PAFAH2: variants seen among roughly 807,000 people sequenced by gnomAD.
PAFAH2 encodes platelet-activating factor acetylhydrolase 2, cytoplasmic.
Under a neutral mutation model 49.0 loss-of-function variants are expected in PAFAH2, and 42 were observed. The observed-to-expected ratio is 0.86, with a 90% CI of 0.67 to 1.11. PAFAH2 has a LOEUF of 1.11. Ranked by LOEUF, PAFAH2 falls within the 50% of genes least tolerant of loss-of-function variation. PAFAH2 has a pLI of 0.00. For missense variants in PAFAH2, 503 were observed against 501.8 expected, an observed-to-expected ratio of 1.00 and a Z score of -0.02; for synonymous variants, 184 against 181.3, an observed-to-expected ratio of 1.01 and a Z score of -0.12.
At chr1:25,989,061 G>A (rs1569574074) in intron 3 of PAFAH2, among the ~76,000 whole-genome samples, 1 of 152,148 alleles carries the variant, frequency 6.6e-6, no homozygotes, top group East Asian at 1.9e-4. Flanking sequence ...AGCTGGCACA[G>A]AGTAGGAATT....
At chr1:25,984,372 G>T in intron 5 of PAFAH2, 88 bp downstream of exon 5, 1 of 1,004,058 alleles carries the variant, frequency 1.0e-6, no homozygotes, top group Non-Finnish European at 1.5e-6. Flanking sequence ...CACGGTTGTC[G>T]AGAGGGTTAG....
At chr1:25,995,771 C>T (rs1360707212) in intron 1 of PAFAH2, among the ~76,000 whole-genome samples, 1 of 152,198 alleles carries the variant, frequency 6.6e-6, no homozygotes, top group Non-Finnish European at 1.5e-5. Flanking sequence ...CTCTTCAGAT[C>T]TACTCCGGGG....
Position 25,982,423 on chromosome 1 carries a change from T to G in PAFAH2, c.607A>C (p.Thr203Pro). 6.2e-7 allele frequency: 1 copy of G among 1,614,150 alleles called. No homozygotes were observed. Among genetic ancestry groups the G allele is most frequent in the Non-Finnish European group, 8.5e-7 (1 of 1,180,018 alleles). Reference protein sequence around the residue: ...LRVLKILQEVTAGQTVFNILP... With the variant: ...LRVLKILQEVPAGQTVFNILP... The stretch of plus-strand genomic sequence containing the variant: ...ATGTTGAAGACAGTCTGCCCAGCAG[T>G]GACCTCTTGCAGGATCTTCAACACC... The change falls in exon 7 of 11, where the codon ACT becomes CCT. Residue 203 changes from threonine to proline, a missense_variant. Coordinates refer to ENST00000374282, the MANE Select transcript of PAFAH2 (RefSeq NM_000437.4).
At chr1:25,983,310 G>A (rs1315457272) in intron 6 of PAFAH2, among the ~76,000 whole-genome samples, 1 of 152,108 alleles carries the variant, frequency 6.6e-6, no homozygotes, top group Non-Finnish European at 1.5e-5. Flanking sequence ...CTCGAGCCTA[G>A]GAGATTGAGG....
chr1:25,970,036 T>C (rs55904918), intron 10 of PAFAH2, among the ~76,000 whole-genome samples: 2,927 of 152,270 alleles, frequency 0.019, 58 homozygotes, highest in South Asian at 0.065. Flanking sequence ...AATATAAAAA[T>C]GAAAATTTAC....
intron 10 of PAFAH2, 99 bp from the exon 11 acceptor site, chr1:25,962,182 G>A (rs187073312): frequency 1.1e-4 from 98 of 901,920 alleles, no homozygotes; most frequent in East Asian, 5.0e-5. Context: ...AGAGAGGAGC[G>A]CCTGGGATAC....
intron 10 of PAFAH2, among the ~76,000 whole-genome samples, chr1:25,966,566 G>A (rs1262454896): frequency 6.6e-6 from 1 of 152,166 alleles, no homozygotes; most frequent in Non-Finnish European, 1.5e-5. Context: ...GGAGCTAAAT[G>A]ATGGGTACAC....
intron 7 of PAFAH2, among the ~76,000 whole-genome samples, chr1:25,980,325 A>G (rs546975180): frequency 2.9e-4 from 44 of 152,040 alleles, no homozygotes; most frequent in African/African-American, 1.0e-3. Context: ...TCGTAAATAT[A>G]TAAGTTTTTT....
chr1:25,982,569 G>A, intron 6 of PAFAH2, 92 bp from the exon 7 acceptor site: 1 of 989,220 alleles, frequency 1.0e-6, no homozygotes, highest in South Asian at 1.4e-5. Flanking sequence ...AGAATGCACA[G>A]ATAGTCTACC....
intron 10 of PAFAH2, among the ~76,000 whole-genome samples, chr1:25,963,213 T>C (rs190888720): frequency 2.6e-4 from 39 of 152,224 alleles, no homozygotes; most frequent in Admixed American, 2.6e-3. Context: ...ACGGAATAGG[T>C]CCTCAATGTA....
At chr1:25,976,064 T>C (rs2049583609) in intron 8 of PAFAH2, among the ~76,000 whole-genome samples, 1 of 152,158 alleles carries the variant, frequency 6.6e-6, no homozygotes, top group Admixed American at 6.5e-5. Context: ...GGAAAGATCT[T>C]CCTCTAGATC....
At position 25,984,018 on chromosome 1, in the gene PAFAH2, CG is replaced by C. The variant is rs1557525742; in HGVS notation, c.479del (p.Ser160CysfsTer30). On this transcript the variant is annotated frameshift_variant, in exon 6 of 11. Coordinates refer to ENST00000374282, the MANE Select transcript of PAFAH2 (RefSeq NM_000437.4). LOFTEE classifies it high-confidence loss of function. The stretch of plus-strand genomic sequence containing the variant: ...GGAAAGGGATCCATTCCTCCTGCAG[CG>C]ATTCATTGGTGGGCTGGTTCTCTTC... Reference protein sequence around the residue: ...APEENQPTNESLQEEWIPFRR... With the variant: ...APEENQPTNEXLQEEWIPFRR... 7 of 1,614,026 alleles carry C rather than the reference CG, an allele frequency of 4.3e-6. No homozygotes were observed. The Admixed American group carries it at 1.2e-4, about 27-fold the overall frequency.
intron 10 of PAFAH2, among the ~76,000 whole-genome samples, chr1:25,962,300 G>A (rs1362228547): frequency 1.3e-5 from 2 of 152,088 alleles, no homozygotes; most frequent in Non-Finnish European, 2.9e-5. Flanking sequence ...ATTCAATAAC[G>A]ATAATAATAA....
At position 25,972,211 on chromosome 1, in the gene PAFAH2, G is replaced by A. The variant is rs549276742; in HGVS notation, c.1084+347C>T. Among the ~76,000 whole-genome samples, 15 of 151,754 alleles carry A rather than the reference G, an allele frequency of 9.9e-5. No homozygotes were observed. In the East Asian group the frequency reaches 1.4e-3, roughly 14 times the overall value. The stretch of plus-strand genomic sequence containing the variant: ...CCTAGGCTTAACTGATCCTCCCACC[G>A]TAGCCTCTCGAGTAGCTGGGACTAT... On this transcript the variant is annotated intron_variant, in intron 10 of 10. Coordinates refer to ENST00000374282, the MANE Select transcript of PAFAH2 (RefSeq NM_000437.4).
chr1:25,996,740 G>A (rs1231973041), intron 1 of PAFAH2, among the ~76,000 whole-genome samples: 4 of 152,162 alleles, frequency 2.6e-5, no homozygotes, highest in Non-Finnish European at 5.9e-5. Flanking sequence ...ACCATAGGAG[G>A]CAACTATAAT....
chr1:25,986,692 G>T (rs2049786182), intron 4 of PAFAH2, among the ~76,000 whole-genome samples: 2 of 151,898 alleles, frequency 1.3e-5, no homozygotes. Context: ...ACCACACCTG[G>T]CTAATTTCTT....
At chr1:25,963,781 G>A (rs1011234870) in intron 10 of PAFAH2, among the ~76,000 whole-genome samples, 10 of 152,330 alleles carry the variant, frequency 6.6e-5, no homozygotes, top group East Asian at 3.9e-4. Flanking sequence ...GATTACAGGC[G>A]TGAGCCACGG....
intron 7 of PAFAH2, among the ~76,000 whole-genome samples, chr1:25,979,721 C>G (rs1033301310): frequency 1.3e-5 from 2 of 152,110 alleles, no homozygotes; most frequent in Non-Finnish European, 2.9e-5. Context: ...AACTCCTGAC[C>G]TAAGGTGGTC....
intron 4 of PAFAH2, among the ~76,000 whole-genome samples, chr1:25,986,929 C>T (rs1436645359): frequency 6.6e-6 from 1 of 152,012 alleles, no homozygotes; most frequent in Admixed American, 6.6e-5. Context: ...GCTGGAATGA[C>T]AAGATCATAT....
Sources: gnomAD v4.1 joint callset for allele counts (sites outside exome capture counted in the v4.1 genomes callset) on GRCh38, gnomAD v4.1.1 for gene constraint, MANE v1.5 for transcripts, NCBI Gene and HGNC (gene_info 2026-07-23, HGNC 2026-07-21) for gene names.